Variants in RNF216 observed in about 807,000 individuals in gnomAD.
RNF216 encodes E3 ubiquitin-protein ligase RNF216.
RNF216 carries 72 observed loss-of-function variants against 110.8 expected under a neutral mutation model. The observed-to-expected ratio is 0.65, with a 90% CI of 0.54 to 0.79. The LOEUF is 0.79. RNF216 is among the 30% of genes least tolerant of loss of function. RNF216 has a pLI of 0.00. For synonymous variants in RNF216, 495 were observed against 407.5 expected (o/e 1.21, Z -2.59); for missense variants, 1,342 against 1,141.2 (o/e 1.18, Z -2.54).
At chr7:5,776,189 G>C (rs1796764171) in intron 1 of RNF216, among the ~76,000 whole-genome samples, 1 of 152,056 alleles carries the variant, frequency 6.6e-6, no homozygotes, top group Non-Finnish European at 1.5e-5. Context: ...AACAAGAATT[G>C]GTTATGCATC....
chr7:5,732,536 C>G (rs931662760), intron 5 of RNF216, among the ~76,000 whole-genome samples: 2 of 152,168 alleles, frequency 1.3e-5, no homozygotes, highest in Non-Finnish European at 1.5e-5. Flanking sequence ...TACTGAAATG[C>G]TACAGACATG....
At chr7:5,722,166 C>G (rs1308541373) in intron 8 of RNF216, among the ~76,000 whole-genome samples, 1 of 152,194 alleles carries the variant, frequency 6.6e-6, no homozygotes, top group Non-Finnish European at 1.5e-5. Flanking sequence ...CTAAATGATC[C>G]ACCAGCCTTG....
At chr7:5,745,479 T>C (rs956017917) in intron 3 of RNF216, among the ~76,000 whole-genome samples, 1 of 152,098 alleles carries the variant, frequency 6.6e-6, no homozygotes, top group African/African-American at 2.4e-5. Flanking sequence ...CGTAATATAA[T>C]TAGACACGTG....
chr7:5,644,812 CTATTT>C (rs750430357), intron 14 of RNF216, among the ~76,000 whole-genome samples: 22 of 150,642 alleles, frequency 1.5e-4, no homozygotes, highest in Non-Finnish European at 2.8e-4. Context: ...GGCTGTTTGC[CTATTT>C]TCTTTTTTTC....
At chr7:5,760,182 T>G (rs1795857842) in intron 2 of RNF216, among the ~76,000 whole-genome samples, 1 of 152,174 alleles carries the variant, frequency 6.6e-6, no homozygotes, top group African/African-American at 2.4e-5. Context: ...ATGCAAGCAC[T>G]ATTCCCTTTA....
chr7:5,741,119 C>G lies in RNF216; in HGVS notation c.898G>C (p.Glu300Gln), dbSNP rs1356279350. Residue 300 changes from glutamate to glutamine, a missense_variant, in exon 4 of 17, where the codon GAA (glutamate) becomes CAA (glutamine). Transcript: ENST00000389902. ...PQPAHPLGEF[E>Q]DQQLASDDEE... Reference sequence around the variant, plus strand: ...TCATCACTTGCTAACTGCTGGTCTTCAAACTCTCCTAGAGGATGGGCAGGC... The same window carrying G: ...TCATCACTTGCTAACTGCTGGTCTTGAAACTCTCCTAGAGGATGGGCAGGC... The G allele has an allele frequency of 6.2e-7, 1 of 1,614,150 alleles. No individual in the cohort carries two copies. The highest frequency in any genetic ancestry group is 8.5e-7 in the Non-Finnish European group (1 of 1,180,030).
intron 3 of RNF216, among the ~76,000 whole-genome samples, chr7:5,742,989 G>A (rs902613154): frequency 7.2e-5 from 11 of 152,154 alleles, no homozygotes; most frequent in African/African-American, 1.4e-4. Context: ...TAGGCCAGGC[G>A]TGGTGGCTCA....
At chr7:5,721,749 A>T (rs1584511181) in intron 8 of RNF216, among the ~76,000 whole-genome samples, 1 of 152,234 alleles carries the variant, frequency 6.6e-6, no homozygotes, top group South Asian at 2.1e-4. Context: ...AATGTGCTGT[A>T]TGATTTTCAA....
chr7:5,691,771 G>C (rs1370557072), intron 13 of RNF216, among the ~76,000 whole-genome samples: 1 of 152,220 alleles, frequency 6.6e-6, no homozygotes, highest in East Asian at 1.9e-4. Flanking sequence ...TGAAATTGAG[G>C]TCAGAGGAAA....
chr7:5,733,668 A>T (rs577331139), intron 5 of RNF216, among the ~76,000 whole-genome samples: 2 of 151,964 alleles, frequency 1.3e-5, no homozygotes, highest in African/African-American at 4.8e-5. Flanking sequence ...TTAACCAAAA[A>T]AAAAAAAAAA....
chr7:5,688,307 G>A (rs1791113111), intron 13 of RNF216, among the ~76,000 whole-genome samples: 1 of 152,176 alleles, frequency 6.6e-6, no homozygotes, highest in Non-Finnish European at 1.5e-5. Flanking sequence ...TAAAAAAACA[G>A]ACTCACATAT....
chr7:5,752,932 C>G lies in RNF216; in HGVS notation c.115G>C (p.Asp39His). 1.2e-6 allele frequency: 2 copies of G among 1,611,798 alleles called. No individual in the cohort carries two copies. Among genetic ancestry groups the G allele is most frequent in the Non-Finnish European group, 1.7e-6 (2 of 1,178,956 alleles). Reference sequence around the variant, plus strand: ...ACCAGCATTGGAATCCTTTCCTCATCTGAGGAGTCAGATATGGTGATGGGC... The same window carrying G: ...ACCAGCATTGGAATCCTTTCCTCATGTGAGGAGTCAGATATGGTGATGGGC... ...DGPITISDSS[D>H]EERIPMLVTP... is the part of the protein sequence containing the mutation. Residue 39 changes from aspartate to histidine, a missense_variant, in exon 3 of 17, where the codon GAT becomes CAT. Transcript: ENST00000389902.
intron 13 of RNF216, among the ~76,000 whole-genome samples, chr7:5,656,735 A>C (rs926921219): frequency 1.3e-5 from 2 of 152,202 alleles, no homozygotes; most frequent in African/African-American, 2.4e-5. Flanking sequence ...TAAAGAAAGC[A>C]CTTCCGTCTT....
intron 13 of RNF216, among the ~76,000 whole-genome samples, chr7:5,664,477 T>C (rs1188416517): frequency 6.6e-6 from 1 of 152,258 alleles, no homozygotes; most frequent in Non-Finnish European, 1.5e-5. Flanking sequence ...TAGGATGTTC[T>C]TTGTTGATTT....
chr7:5,712,549 A>G (rs1188803409), intron 12 of RNF216, among the ~76,000 whole-genome samples, 166 bp downstream of exon 12: 1 of 152,186 alleles, frequency 6.6e-6, no homozygotes, highest in Non-Finnish European at 1.5e-5. Context: ...TCTGAGGCGT[A>G]AAAAATAAAA....
At chr7:5,744,544 C>T (rs2128656903) in intron 3 of RNF216, among the ~76,000 whole-genome samples, 1 of 152,232 alleles carries the variant, frequency 6.6e-6, no homozygotes, top group South Asian at 2.1e-4. Context: ...TAAGGAGTCA[C>T]AGATTAAGAC....
At chr7:5,711,344 CTCAA>C (rs776952350) in intron 13 of RNF216, among the ~76,000 whole-genome samples, 69 of 152,244 alleles carry the variant, frequency 4.5e-4, no homozygotes, top group Admixed American at 2.4e-3. Flanking sequence ...TGCCCAGTTC[CTCAA>C]TCAAAGAAGC....
intron 13 of RNF216, among the ~76,000 whole-genome samples, chr7:5,708,946 G>A (rs1036876001): frequency 1.3e-5 from 2 of 152,128 alleles, no homozygotes; most frequent in African/African-American, 2.4e-5. Flanking sequence ...GTCCTCTGGC[G>A]CAGTACAAAC....
intron 15 of RNF216, among the ~76,000 whole-genome samples, chr7:5,632,437 C>T (rs1416704143): frequency 1.3e-5 from 2 of 152,176 alleles, no homozygotes; most frequent in Non-Finnish European, 2.9e-5. Context: ...TGAGCAAGGC[C>T]AGGCTGAGGT....
Sources: gnomAD v4.1 joint callset for allele counts (sites outside exome capture counted in the v4.1 genomes callset) on GRCh38, gnomAD v4.1.1 for gene constraint, MANE v1.5 for transcripts, NCBI Gene and HGNC (gene_info 2026-07-23, HGNC 2026-07-21) for gene names.